WDPCP: variants seen among roughly 807,000 people sequenced by gnomAD.
WDPCP encodes the protein WD repeat containing planar cell polarity effector, also known as WD repeat-containing and planar cell polarity effector protein fritz homolog.
In WDPCP, 71 loss-of-function variants were observed where a neutral mutation model predicts 93.1. That is an observed-to-expected ratio of 0.76 (90% confidence interval 0.63 to 0.93). WDPCP has a LOEUF of 0.93. Among genes scored for constraint, WDPCP ranks in the 40% least tolerant of loss-of-function variants. WDPCP has a pLI of 0.00. For synonymous variants in WDPCP, 315 were observed against 315.0 expected, an observed-to-expected ratio of 1.00 and a Z score of 0.00; for missense variants, 844 against 887.4, an observed-to-expected ratio of 0.95 and a Z score of 0.62.
intron 1 of WDPCP, among the ~76,000 whole-genome samples, chr2:63,541,472 T>C (rs1704721339): frequency 6.6e-6 from 1 of 152,228 alleles, no homozygotes; most frequent in Non-Finnish European, 1.5e-5. Context: ...CAGATTACTC[T>C]CATAAATACT....
chr2:63,193,864 G>A (rs1303763200), intron 14 of WDPCP, among the ~76,000 whole-genome samples: 2 of 152,134 alleles, frequency 1.3e-5, no homozygotes, highest in Non-Finnish European at 2.9e-5. Flanking sequence ...ATATGTACGT[G>A]AAGGTGGCTT....
At position 63,419,567 on chromosome 2, in the gene WDPCP, A is replaced by G. The variant is rs1472394654; in HGVS notation, c.825+14178T>C. Among the ~76,000 whole-genome samples, 5 of 152,358 alleles carry G rather than the reference A, an allele frequency of 3.3e-5. No individual in the cohort carries two copies. In the South Asian group the frequency reaches 6.2e-4, roughly 19 times the overall value. On this transcript the variant is annotated intron_variant, in intron 9 of 17. Coordinates refer to ENST00000272321, the MANE Select transcript of WDPCP (RefSeq NM_015910.7). ...TTCATTTTCATTTTTAAAAAGCTAC[A>G]TTTGAAAAATGTAGTTAGAATTGAT...
intron 2 of WDPCP, among the ~76,000 whole-genome samples, chr2:63,655,794 A>C (rs995602318): frequency 6.6e-6 from 1 of 152,208 alleles, no homozygotes; most frequent in African/African-American, 2.4e-5. Flanking sequence ...TATATCTTGA[A>C]GATATTTCCC....
chr2:63,620,092 T>G (rs1048505931), intron 3 of WDPCP, among the ~76,000 whole-genome samples: 1 of 151,894 alleles, frequency 6.6e-6, no homozygotes, highest in African/African-American at 2.4e-5. Flanking sequence ...CAAAACTGGG[T>G]GGCCATTTGG....
At chr2:63,366,882 A>T (rs1046931650) in intron 12 of WDPCP, among the ~76,000 whole-genome samples, 1 of 152,028 alleles carries the variant, frequency 6.6e-6, no homozygotes, top group Non-Finnish European at 1.5e-5. Flanking sequence ...AGTCTATCAC[A>T]CATTGTGGTT....
intron 17 of WDPCP, 25 bp from the exon 18 acceptor site, chr2:63,122,081 T>C: frequency 4.5e-6 from 7 of 1,563,352 alleles, no homozygotes; most frequent in Non-Finnish European, 4.4e-6. Flanking sequence ...ATAAAAATAA[T>C]GTTTAAGCAG....
chr2:63,275,566 A>G (rs1164704652), intron 13 of WDPCP, among the ~76,000 whole-genome samples: 1 of 152,248 alleles, frequency 6.6e-6, no homozygotes, highest in Non-Finnish European at 1.5e-5. Flanking sequence ...CAAAATCAAC[A>G]TATAAATATC....
chr2:63,664,831 G>A (rs1710265679), intron 2 of WDPCP, among the ~76,000 whole-genome samples: 1 of 152,206 alleles, frequency 6.6e-6, no homozygotes, highest in African/African-American at 2.4e-5. Flanking sequence ...ACCCTTTCAA[G>A]TAGGAATTAT....
chr2:63,618,032 G>GT (rs545577302), intron 3 of WDPCP, among the ~76,000 whole-genome samples: 1 of 151,592 alleles, frequency 6.6e-6, no homozygotes. Context: ...TTTCTCTTAT[G>GT]TTTTTTTTCC....
At chr2:63,159,137 C>G (rs562407845) in intron 15 of WDPCP, among the ~76,000 whole-genome samples, 2 of 149,576 alleles carry the variant, frequency 1.3e-5, no homozygotes, top group Non-Finnish European at 1.5e-5. Flanking sequence ...GCCTGTGAGA[C>G]AGAATGAGAC....
chr2:63,305,753 C>A (rs948468723), intron 13 of WDPCP, among the ~76,000 whole-genome samples: 1 of 152,022 alleles, frequency 6.6e-6, no homozygotes, highest in Non-Finnish European at 1.5e-5. Flanking sequence ...TAACAAACTC[C>A]ACCGAGCTCA....
chr2:63,760,978 C>T (rs1670047755), intron 2 of WDPCP, among the ~76,000 whole-genome samples: 1 of 152,216 alleles, frequency 6.6e-6, no homozygotes, highest in Admixed American at 6.5e-5. Context: ...TCTCCTGCTC[C>T]TCCCCTGCCC....
At chr2:63,521,339 C>G (rs1451169800) in intron 1 of WDPCP, among the ~76,000 whole-genome samples, 1 of 152,102 alleles carries the variant, frequency 6.6e-6, no homozygotes, top group Non-Finnish European at 1.5e-5. Flanking sequence ...GACCCATAAG[C>G]TCAAAGTAAA....
intron 12 of WDPCP, among the ~76,000 whole-genome samples, chr2:63,346,711 C>CA (rs1004982760): frequency 2.6e-5 from 4 of 152,146 alleles, no homozygotes; most frequent in African/African-American, 9.7e-5. Context: ...TCTTTCTCCA[C>CA]AAAGCACCTG....
chr2:63,706,718 G>A (rs1388276938), intron 2 of WDPCP, among the ~76,000 whole-genome samples: 2 of 142,430 alleles, frequency 1.4e-5, no homozygotes, highest in African/African-American at 5.2e-5. Context: ...CCGGGTTCAC[G>A]CCATTCTCCT....
At chr2:63,828,678 G>A (rs1671148963), upstream of WDPCP, among the ~76,000 whole-genome samples, 1 of 152,026 alleles carries the variant, frequency 6.6e-6, no homozygotes, top group African/African-American at 2.4e-5. Context: ...AATCATCAAG[G>A]TTGTATTCAA....
At chr2:63,410,051 A>G (rs1694911958) in intron 9 of WDPCP, among the ~76,000 whole-genome samples, 2 of 152,218 alleles carry the variant, frequency 1.3e-5, no homozygotes, top group African/African-American at 4.8e-5. Context: ...CATCGCAAAA[A>G]GATCATTGCT....
At chr2:63,343,911 C>T (rs2104481835) in intron 12 of WDPCP, among the ~76,000 whole-genome samples, 1 of 152,270 alleles carries the variant, frequency 6.6e-6, no homozygotes, top group Middle Eastern at 3.4e-3. Context: ...TTTGCTGAGG[C>T]ATCATTATCC....
chr2:63,376,965 A>G lies in WDPCP; in HGVS notation c.1748+1421T>C, dbSNP rs796379306. 4.6e-5 allele frequency among the ~76,000 whole-genome samples: 7 copies of G among 152,024 alleles called. 1 individual carries two copies. Among genetic ancestry groups the G allele is most frequent in the African/African-American group, 1.7e-4 (7 of 41,554 alleles). On this transcript the variant is annotated intron_variant, in intron 12 of 17. Transcript: ENST00000272321. ...CAACAACACAAATTCTCAAATCTTG[A>G]CCAATCTGAAGTTTCCCCCTTCTTT...
Sources: gnomAD v4.1 joint callset for allele counts (sites outside exome capture counted in the v4.1 genomes callset) on GRCh38, gnomAD v4.1.1 for gene constraint, MANE v1.5 for transcripts, NCBI Gene and HGNC (gene_info 2026-07-23, HGNC 2026-07-21) for gene names.